USO1: variants seen among roughly 807,000 people sequenced by gnomAD.
USO1 encodes general vesicular transport factor p115.
In USO1, 57 loss-of-function variants were observed where a neutral mutation model predicts 124.5. The ratio of observed to expected loss-of-function variants is 0.46; its 90% CI spans 0.37 to 0.57. The LOEUF is 0.57. USO1 is among the 20% of genes least tolerant of loss of function. The pLI is 0.00. For missense variants in USO1, 900 were observed against 1,040.6 expected, an observed-to-expected ratio of 0.86 and a Z score of 1.86; for synonymous variants, 369 against 362.8, an observed-to-expected ratio of 1.02 and a Z score of -0.19.
At chr4:75,750,976 G>A (rs1371874314) in intron 1 of USO1, among the ~76,000 whole-genome samples, 1 of 151,820 alleles carries the variant, frequency 6.6e-6, no homozygotes, top group African/African-American at 2.4e-5. Context: ...TTTATAACTT[G>A]CTTTTTTTCA....
chr4:75,812,880 G>GT (rs1723189567), intron 23 of USO1, among the ~76,000 whole-genome samples: 1 of 152,242 alleles, frequency 6.6e-6, no homozygotes, highest in Admixed American at 6.5e-5. Context: ...GGGGGCTGAG[G>GT]TGGGCAGATT....
chr4:75,727,903 C>A (rs1339120574), intron 1 of USO1, among the ~76,000 whole-genome samples: 1 of 152,150 alleles, frequency 6.6e-6, no homozygotes, highest in East Asian at 1.9e-4. Context: ...TTCTGAGCTA[C>A]CTTTACATTT....
intron 20 of USO1, among the ~76,000 whole-genome samples, chr4:75,807,222 T>A (rs2149194500): frequency 6.6e-6 from 1 of 152,222 alleles, no homozygotes; most frequent in African/African-American, 2.4e-5. Context: ...TCTGTATACT[T>A]ACAATTAAAT....
At chr4:75,798,294 T>G (rs1049540087) in intron 13 of USO1, among the ~76,000 whole-genome samples, 2 of 152,220 alleles carry the variant, frequency 1.3e-5, no homozygotes, top group African/African-American at 4.8e-5. Flanking sequence ...ATATACATTG[T>G]GGGTATATTT....
chr4:75,787,908 G>A (rs1488454479), intron 10 of USO1, among the ~76,000 whole-genome samples: 2 of 151,904 alleles, frequency 1.3e-5, no homozygotes, highest in Admixed American at 1.3e-4. Context: ...TCATCCATGA[G>A]TTGTAATTGT....
intron 4 of USO1, among the ~76,000 whole-genome samples, chr4:75,759,246 C>CTTTTTTGTTTTTTTTTTTTTTTTTTTT (rs1721527391): frequency 1.4e-5 from 1 of 69,126 alleles, no homozygotes; most frequent in African/African-American, 6.4e-5. Flanking sequence ...TATTAAGGAC[C>CTTTTTTGTTTTTTTTTTTTTTTTTTTT]TTTTTTTTTT....
chr4:75,792,197 C>T (rs1722551021), intron 12 of USO1, among the ~76,000 whole-genome samples: 1 of 151,960 alleles, frequency 6.6e-6, no homozygotes, highest in African/African-American at 2.4e-5. Flanking sequence ...TATAGGAGTT[C>T]AAGAACAGCT....
intron 1 of USO1, among the ~76,000 whole-genome samples, chr4:75,739,872 C>T (rs559104699): frequency 6.6e-6 from 1 of 152,142 alleles, no homozygotes; most frequent in African/African-American, 2.4e-5. Flanking sequence ...TTTGGGATTT[C>T]CCTATTAAAA....
intron 13 of USO1, among the ~76,000 whole-genome samples, chr4:75,795,967 A>C (rs1276560836): frequency 1.3e-5 from 2 of 152,096 alleles, no homozygotes; most frequent in African/African-American, 4.8e-5. Context: ...ATTTGGCAGA[A>C]AAGGAGTGTA....
intron 10 of USO1, among the ~76,000 whole-genome samples, chr4:75,788,159 A>G (rs1445104044): frequency 1.1e-5 from 1 of 94,292 alleles, no homozygotes; most frequent in Non-Finnish European, 2.3e-5. Context: ...ATCTTTATTT[A>G]TTTATTTATT....
intron 8 of USO1, among the ~76,000 whole-genome samples, chr4:75,780,320 G>C (rs1311486788): frequency 6.6e-6 from 1 of 152,074 alleles, no homozygotes. Context: ...GGGCTGGTGT[G>C]TAGTGGTGTG....
At chr4:75,735,415 G>A (rs1720762414) in intron 1 of USO1, among the ~76,000 whole-genome samples, 1 of 152,178 alleles carries the variant, frequency 6.6e-6, no homozygotes, top group Non-Finnish European at 1.5e-5. Flanking sequence ...CTATTCGGAT[G>A]TCAATTCTTT....
chr4:75,729,832 C>T (rs1720578100), intron 1 of USO1: 1 of 243,742 alleles, frequency 4.1e-6, no homozygotes, highest in Non-Finnish European at 8.4e-6. Context: ...AAACTTTCAT[C>T]AGCTGTCTCA....
In USO1 at chr4:75,750,948, C is replaced by T. The variant is rs943347873; in HGVS notation, c.67-1425C>T. Among the ~76,000 whole-genome samples the T allele has an allele frequency of 8.2e-4, 125 of 152,100 alleles. 1 individual carries two copies. In the East Asian group the frequency reaches 0.021, roughly 25 times the overall value. On this transcript the variant is annotated intron_variant, in intron 1 of 23. Transcript: ENST00000514213. ...GTCTGATACTTTTGCTTTACTGAAT[C>T]CGTAGTTTAAATTTAGTTTTATAAC...
At chr4:75,810,377 T>A in intron 21 of USO1, 55 bp from the exon 22 acceptor site, 1 of 1,512,212 alleles carries the variant, frequency 6.6e-7, no homozygotes, top group East Asian at 2.4e-5. Flanking sequence ...CCTTTGGGAG[T>A]TCATATTGAT....
At chr4:75,788,266 C>T (rs1460101678) in intron 10 of USO1, among the ~76,000 whole-genome samples, 5 of 148,442 alleles carry the variant, frequency 3.4e-5, no homozygotes, top group South Asian at 2.1e-4. Flanking sequence ...CTTCCGGGTT[C>T]GAGCAATTCT....
intron 8 of USO1, among the ~76,000 whole-genome samples, chr4:75,780,639 A>ACTTTTTTTTTT (rs1722194338): frequency 1.4e-5 from 1 of 69,462 alleles, no homozygotes; most frequent in Non-Finnish European, 2.9e-5. Flanking sequence ...ATAAATTTTG[A>ACTTTTTTTTTT]CTTTTTTTTT....
intron 17 of USO1, among the ~76,000 whole-genome samples, chr4:75,802,047 C>T (rs764654875): frequency 5.3e-5 from 8 of 151,540 alleles, no homozygotes; most frequent in South Asian, 4.2e-4. Context: ...CTCCTGACCT[C>T]GGGTGATCCC....
At chr4:75,799,015 C>T (rs1722767519) in intron 13 of USO1, among the ~76,000 whole-genome samples, 1 of 152,010 alleles carries the variant, frequency 6.6e-6, no homozygotes, top group African/African-American at 2.4e-5. Flanking sequence ...GGTTTGGGGG[C>T]ACTTGGCTAA....
Sources: allele counts gnomAD v4.1 joint callset (sites outside exome capture counted in the v4.1 genomes callset), GRCh38; gene constraint gnomAD v4.1.1; transcripts MANE v1.5; gene names NCBI Gene and HGNC (gene_info 2026-07-23, HGNC 2026-07-21).